Variants in DCUN1D4 observed in about 807,000 individuals in gnomAD.
DCUN1D4 encodes defective in cullin neddylation 1 domain containing 4.
A neutral mutation model predicts 47.9 loss-of-function variants in DCUN1D4; 22 were observed. The ratio of observed to expected loss-of-function variants is 0.46; its 90% CI spans 0.33 to 0.66. DCUN1D4 has a LOEUF of 0.66. DCUN1D4 is among the 30% of genes least tolerant of loss of function. The probability of loss-of-function intolerance (pLI) is 0.02; values close to 1 mark genes in which losing one functional copy is unlikely to be tolerated. For synonymous variants in DCUN1D4, 121 were observed against 112.2 expected (o/e 1.08, Z -0.50); for missense variants, 301 against 340.8 (o/e 0.88, Z 0.92).
intron 6 of DCUN1D4, among the ~76,000 whole-genome samples, chr4:51,887,518 C>T (rs1461580254): frequency 6.6e-6 from 1 of 152,094 alleles, no homozygotes; most frequent in South Asian, 2.1e-4. Flanking sequence ...TTTTTCTGTT[C>T]CTACATCACC....
chr4:51,843,804 T>TG (rs1218739029), intron 1 of DCUN1D4: 7,940 of 20,936 alleles, frequency 0.38, 1,129 homozygotes, highest in African/African-American at 0.59. Context: ...GGCGGGGGGG[T>TG]GGGGGGGGGG....
chr4:51,845,111 G>A (rs1466887332), intron 1 of DCUN1D4: 11 of 985,358 alleles, frequency 1.1e-5, no homozygotes, highest in South Asian at 4.7e-5. Flanking sequence ...CATGCGCACG[G>A]GTTGTGGGAA....
At position 51,886,564 on chromosome 4, in the gene DCUN1D4, A is replaced by T. The variant is rs772865291; in HGVS notation, c.344-4A>T. 4.3e-6 allele frequency: 7 copies of T among 1,613,604 alleles called. No homozygotes were observed. The Admixed American group carries it at 1.2e-4, about 27-fold the overall frequency. ...TTTAATTTACATAAGACTGTATTTC[A>T]CAGGAACTGATGATGTTGTAGGCCC... On this transcript the variant is annotated splice_polypyrimidine_tract_variant and splice_region_variant and intron_variant, in intron 5 of 10. Coordinates refer to ENST00000334635, the MANE Select transcript of DCUN1D4 (RefSeq NM_001040402.3).
At position 51,911,066 on chromosome 4, in the gene DCUN1D4, A is replaced by G; in HGVS notation, c.616-4A>G. ...GCTCATCCTTGTTTTTGTTTGTTAAACAGGAAAAGGACCAGCGCAGCCTAG... is the reference window on the plus strand; with the variant it reads ...GCTCATCCTTGTTTTTGTTTGTTAAGCAGGAAAAGGACCAGCGCAGCCTAG... On this transcript the variant is annotated splice_polypyrimidine_tract_variant and splice_region_variant and intron_variant, in intron 8 of 10. Coordinates refer to ENST00000334635, the MANE Select transcript of DCUN1D4 (RefSeq NM_001040402.3). The G allele has an allele frequency of 6.2e-7, 1 of 1,613,530 alleles. No individual in the cohort carries two copies. The highest frequency in any genetic ancestry group is 8.5e-7 in the Non-Finnish European group (1 of 1,179,594).
chr4:51,905,266 T>A, intron 8 of DCUN1D4: 2 of 448,084 alleles, frequency 4.5e-6, no homozygotes, highest in South Asian at 3.1e-5. Context: ...ATGATGAGAT[T>A]GAGAGCCAGC....
At chr4:51,907,461 C>T (rs1248771372) in intron 8 of DCUN1D4, among the ~76,000 whole-genome samples, 1 of 152,176 alleles carries the variant, frequency 6.6e-6, no homozygotes, top group Non-Finnish European at 1.5e-5. Flanking sequence ...TGCATTTTCT[C>T]TATGTCTGTT....
At chr4:51,859,637 G>GGAAAAAAAAAAAA (rs1724709782) in intron 1 of DCUN1D4, among the ~76,000 whole-genome samples, 1 of 602 alleles carries the variant, frequency 1.7e-3, no homozygotes, top group Non-Finnish European at 3.2e-3. Context: ...GTTAAAACAA[G>GGAAAAAAAAAAAA]CAAAAAAAAA....
At chr4:51,875,158 A>C (rs1236320929) in intron 4 of DCUN1D4, 1 of 152,226 alleles carries the variant, frequency 6.6e-6, no homozygotes, top group African/African-American at 2.4e-5. Flanking sequence ...ACTCAGAGGA[A>C]TAAGAAAGAC....
chr4:51,845,245 T>C (rs2109785953), intron 1 of DCUN1D4: 1 of 985,398 alleles, frequency 1.0e-6, no homozygotes, highest in African/African-American at 1.7e-5. Flanking sequence ...ACAGTGGAGG[T>C]ACACGTAACC....
Position 51,882,534 on chromosome 4 carries a change from G to A in DCUN1D4, c.344-4034G>A, listed in dbSNP as rs543958918. Among the ~76,000 whole-genome samples the A allele has an allele frequency of 1.2e-4, 19 of 152,232 alleles. No individual in the cohort carries two copies. In the East Asian group the frequency reaches 3.5e-3, roughly 28 times the overall value. On this transcript the variant is annotated intron_variant, in intron 5 of 10. Coordinates refer to ENST00000334635, the MANE Select transcript of DCUN1D4 (RefSeq NM_001040402.3). ...TATAATCTCAGCACTTGGGGAGGCC[G>A]AGGCGGGCGGATCACGAGGTCAGGA...
At chr4:51,875,443 G>C (rs1169487867) in intron 4 of DCUN1D4, 2 of 152,160 alleles carry the variant, frequency 1.3e-5, no homozygotes, top group African/African-American at 4.8e-5. Context: ...GATAAAGCCA[G>C]ATTTGAAACT....
intron 6 of DCUN1D4, 62 bp downstream of exon 6, chr4:51,886,700 T>C (rs763362122): frequency 9.1e-6 from 12 of 1,313,202 alleles, no homozygotes; most frequent in Non-Finnish European, 1.3e-5. Context: ...AAATCTTTGT[T>C]CTTTAGCAAA....
Position 51,889,724 on chromosome 4 carries a change from G to A in DCUN1D4, c.415-2036G>A, listed in dbSNP as rs1730127554. 4.6e-5 allele frequency among the ~76,000 whole-genome samples: 7 copies of A among 152,190 alleles called. No individual in the cohort carries two copies. In the South Asian group the frequency reaches 1.5e-3, roughly 32 times the overall value. On this transcript the variant is annotated intron_variant, in intron 6 of 10. Coordinates refer to ENST00000334635, the MANE Select transcript of DCUN1D4 (RefSeq NM_001040402.3). ...GTTGGTTAGTTGTCCTAGGTAAATCGATATACAAGAGTCAGAATTCCTAGA... is the reference window on the plus strand; with the variant it reads ...GTTGGTTAGTTGTCCTAGGTAAATCAATATACAAGAGTCAGAATTCCTAGA...
At chr4:51,886,478 G>A in intron 5 of DCUN1D4, 90 bp from the exon 6 acceptor site, 5 of 1,120,894 alleles carry the variant, frequency 4.5e-6, no homozygotes, top group Admixed American at 2.5e-5. Flanking sequence ...TGGCCTTTAA[G>A]TCTTACTTGT....
chr4:51,837,950 G>A, the DCUN1D4 span, among the ~76,000 whole-genome samples: 1 of 152,086 alleles, frequency 6.6e-6, no homozygotes, highest in Non-Finnish European at 1.5e-5. Flanking sequence ...GCTTGAGGCG[G>A]GCAGATCACT....
chr4:51,858,259 C>A (rs989867128), intron 1 of DCUN1D4, among the ~76,000 whole-genome samples: 2 of 151,906 alleles, frequency 1.3e-5, no homozygotes, highest in African/African-American at 4.8e-5. Flanking sequence ...AAAATGGAAA[C>A]CTGATGAAGT....
chr4:51,914,823 C>CTTTTTTTTTT lies in DCUN1D4; in HGVS notation c.*1249_*1258dup, dbSNP rs71193045. Reference sequence around the variant, plus strand: ...GTATTTTTAGGTTTGTATTTTATGTCTTTTTTTTTTTTTTTTTTTGCCATT... The same window carrying CTTTTTTTTTT: ...GTATTTTTAGGTTTGTATTTTATGTCTTTTTTTTTTTTTTTTTTTTTTTTTTTTTGCCATT... On this transcript the variant is annotated 3_prime_UTR_variant, in exon 11 of 11. Coordinates refer to ENST00000334635, the MANE Select transcript of DCUN1D4 (RefSeq NM_001040402.3). 2 of 117,664 alleles carry CTTTTTTTTTT rather than the reference C, an allele frequency of 1.7e-5. No individual in the cohort carries two copies. Among genetic ancestry groups the CTTTTTTTTTT allele is most frequent in the East Asian group, 2.6e-4 (1 of 3,916 alleles). 7.3% of individuals were successfully genotyped at this position (117,664 alleles called of 1,614,324 possible).
At chr4:51,836,082 A>G in the DCUN1D4 span, among the ~76,000 whole-genome samples, 5 of 152,208 alleles carry the variant, frequency 3.3e-5, no homozygotes, top group East Asian at 1.9e-4. Flanking sequence ...GAAAGCTAAC[A>G]GAGTGGAACT....
At chr4:51,873,390 G>A (rs1161425634) in intron 3 of DCUN1D4, among the ~76,000 whole-genome samples, 2 of 152,210 alleles carry the variant, frequency 1.3e-5, no homozygotes, top group Admixed American at 6.5e-5. Flanking sequence ...CCAAGGTGGG[G>A]TATTTTAATC....
Sources: allele counts gnomAD v4.1 joint callset (sites outside exome capture counted in the v4.1 genomes callset), GRCh38; gene constraint gnomAD v4.1.1; transcripts MANE v1.5; gene names NCBI Gene and HGNC (gene_info 2026-07-23, HGNC 2026-07-21).